The following MAPK14 variants were observed in gnomAD, a reference collection of about 807,000 sequenced individuals.
The protein encoded by MAPK14 is mitogen-activated protein kinase 14.
Under a neutral mutation model 49.6 loss-of-function variants are expected in MAPK14, and 16 were observed. The observed-to-expected ratio is 0.32, with a 90% CI of 0.22 to 0.49. The LOEUF (loss-of-function observed/expected upper bound fraction) is 0.49. MAPK14 is among the 20% of genes least tolerant of loss of function. MAPK14 has a pLI of 0.99. For synonymous variants in MAPK14, 142 were observed against 158.0 expected (o/e 0.90, Z 0.76); for missense variants, 200 against 441.2 (o/e 0.45, Z 4.90).
intron 1 of MAPK14, among the ~76,000 whole-genome samples, chr6:36,043,378 T>C (rs886634792): frequency 1.3e-5 from 2 of 152,196 alleles, no homozygotes; most frequent in African/African-American, 4.8e-5. Flanking sequence ...TTGAAGAATA[T>C]TTTTTGAGGT....
chr6:36,121,241 G>A, the MAPK14 span, among the ~76,000 whole-genome samples: 2 of 152,220 alleles, frequency 1.3e-5, no homozygotes. Context: ...CCGGATGGGG[G>A]CAAGCCTTGC....
chr6:36,076,292 C>G (rs1469848480), intron 7 of MAPK14, among the ~76,000 whole-genome samples: 2 of 152,178 alleles, frequency 1.3e-5, no homozygotes, highest in East Asian at 3.8e-4. Flanking sequence ...TAATAAGAAA[C>G]TTGCCCCTTT....
rs1160883360 is a variant in MAPK14 at position 36,110,493 on chromosome 6, T to TTATTACAA, written c.*2046_*2047insTATTACAA. On this transcript the variant is annotated 3_prime_UTR_variant, in exon 12 of 12. Transcript: ENST00000229794. ...CAGAAATACTGCTCTGAATATTTTG[T>TTATTACAA]AATAAAGGTCTTTGCACATGTGACC... The TTATTACAA allele has an allele frequency of 3.9e-5, 6 of 152,812 alleles. No homozygotes were observed. The South Asian group carries it at 1.0e-3, about 26-fold the overall frequency. 9.5% of individuals were successfully genotyped at this position (152,812 alleles called of 1,614,324 possible). A position where few individuals can be genotyped will look rare whatever the true frequency, so the allele number is the denominator to read the frequency against.
At chr6:36,030,567 C>G (rs1042174609) in intron 1 of MAPK14, among the ~76,000 whole-genome samples, 2 of 151,668 alleles carry the variant, frequency 1.3e-5, no homozygotes, top group African/African-American at 2.4e-5. Flanking sequence ...GGCGCCTGTA[C>G]TCCCAGCTAC....
At chr6:36,074,515 A>G (rs746036147) in intron 6 of MAPK14, among the ~76,000 whole-genome samples, 23 of 152,150 alleles carry the variant, frequency 1.5e-4, no homozygotes, top group Non-Finnish European at 3.1e-4. Context: ...GTTCCATTTC[A>G]TTTTTTTAAC....
chr6:36,040,506 T>C (rs1207452607), intron 1 of MAPK14, among the ~76,000 whole-genome samples: 1 of 152,206 alleles, frequency 6.6e-6, no homozygotes, highest in Admixed American at 6.5e-5. Flanking sequence ...TTTTTGTTAT[T>C]TCTAGGAGAG....
intron 8 of MAPK14, among the ~76,000 whole-genome samples, chr6:36,084,257 C>T (rs1027819311): frequency 1.8e-4 from 27 of 152,160 alleles, no homozygotes; most frequent in African/African-American, 5.1e-4. Context: ...AATGAAAAAA[C>T]GCTGAAAACT....
intron 1 of MAPK14, among the ~76,000 whole-genome samples, chr6:36,038,976 T>A (rs1762852576): frequency 6.6e-6 from 1 of 152,214 alleles, no homozygotes; most frequent in Non-Finnish European, 1.5e-5. Flanking sequence ...TATTTGACCC[T>A]TTTTCTGCTT....
chr6:36,096,057 CT>C lies in MAPK14; in HGVS notation c.754del (p.Ser252GlnfsTer11). 1.2e-6 allele frequency: 2 copies of C among 1,612,332 alleles called. No homozygotes were observed. Among genetic ancestry groups the C allele is most frequent in the Non-Finnish European group, 1.7e-6 (2 of 1,178,462 alleles). Reference protein sequence around the residue: ...PGAELLKKISSESARNYIQSL... With the variant: ...PGAELLKKISXESARNYIQSL... ...GGGCTGAGCTTTTGAAGAAAATCTC[CT>C]CAGAGTCTGTGAGTTGATGCTTTGT... On this transcript the variant is annotated frameshift_variant, in exon 9 of 12. Coordinates refer to ENST00000229794, the MANE Select transcript of MAPK14 (RefSeq NM_139012.3). LOFTEE classifies it high-confidence loss of function.
chr6:36,089,218 C>CAT (rs1256345910), intron 8 of MAPK14, among the ~76,000 whole-genome samples: 1 of 152,182 alleles, frequency 6.6e-6, no homozygotes, highest in African/African-American at 2.4e-5. Context: ...GAATACTATA[C>CAT]ACCCATAAAA....
At chr6:36,042,211 G>C (rs1206587865) in intron 1 of MAPK14, among the ~76,000 whole-genome samples, 2 of 152,156 alleles carry the variant, frequency 1.3e-5, no homozygotes, top group Admixed American at 1.3e-4. Flanking sequence ...TGGGACTTAG[G>C]CAGTTGCATT....
intron 4 of MAPK14, 51 bp from the exon 5 acceptor site, chr6:36,073,640 A>T: frequency 7.0e-7 from 1 of 1,424,720 alleles, no homozygotes; most frequent in Non-Finnish European, 9.8e-7. Flanking sequence ...TATGTTATAT[A>T]ATATGACAAT....
intron 8 of MAPK14, among the ~76,000 whole-genome samples, chr6:36,090,586 C>T (rs927913268): frequency 2.0e-4 from 30 of 149,520 alleles, no homozygotes; most frequent in Admixed American, 4.7e-4. Flanking sequence ...AGTGCAATGG[C>T]GCAATCTCTG....
intron 8 of MAPK14, among the ~76,000 whole-genome samples, chr6:36,090,404 A>G (rs561838632): frequency 4.0e-5 from 6 of 151,716 alleles, no homozygotes; most frequent in South Asian, 2.1e-4. Context: ...GCTCACTGCA[A>G]CCTCCACCTC....
intron 8 of MAPK14, among the ~76,000 whole-genome samples, chr6:36,087,986 C>T (rs1406259200): frequency 6.6e-6 from 1 of 152,112 alleles, no homozygotes; most frequent in Middle Eastern, 3.2e-3. Flanking sequence ...CATCTACAAC[C>T]ATCTGATCTT....
chr6:36,105,005 C>T (rs1381831973), intron 10 of MAPK14, among the ~76,000 whole-genome samples: 9 of 152,186 alleles, frequency 5.9e-5, no homozygotes, highest in Non-Finnish European at 1.2e-4. Context: ...TTAAACGTGC[C>T]TTACAGCCCA....
intron 8 of MAPK14, among the ~76,000 whole-genome samples, chr6:36,094,778 G>A (rs1429723877): frequency 2.6e-5 from 4 of 152,130 alleles, no homozygotes; most frequent in African/African-American, 9.7e-5. Context: ...CAGTACAGGG[G>A]GCAGACAGTA....
rs565749044 is a variant in MAPK14 at position 36,083,942 on chromosome 6, C to T, written c.682+7334C>T. On this transcript the variant is annotated intron_variant, in intron 8 of 11. Transcript: ENST00000229794. ...GCCAGACACCTTATGCAAGAGCATTCCCACTGGCATCAGGTTGGTGCCCCT... is the reference window on the plus strand; with the variant it reads ...GCCAGACACCTTATGCAAGAGCATTTCCACTGGCATCAGGTTGGTGCCCCT... 3.3e-5 allele frequency among the ~76,000 whole-genome samples: 5 copies of T among 152,230 alleles called. No individual in the cohort carries two copies. The East Asian group carries it at 7.8e-4, about 24-fold the overall frequency.
the MAPK14 span, among the ~76,000 whole-genome samples, chr6:36,117,241 C>G: frequency 6.6e-6 from 1 of 152,210 alleles, no homozygotes; most frequent in Non-Finnish European, 1.5e-5. Context: ...TTCCCTCTTT[C>G]AGCCAAAAGG....
Sources: gnomAD v4.1 joint callset for allele counts (sites outside exome capture counted in the v4.1 genomes callset) on GRCh38, gnomAD v4.1.1 for gene constraint, MANE v1.5 for transcripts, NCBI Gene and HGNC (gene_info 2026-07-23, HGNC 2026-07-21) for gene names.